MYL6B: variants seen among roughly 807,000 people sequenced by gnomAD.
The protein encoded by MYL6B is myosin light chain 6B.
Under a neutral mutation model 24.5 loss-of-function variants are expected in MYL6B, and 19 were observed. The ratio of observed to expected loss-of-function variants is 0.78; its 90% CI spans 0.54 to 1.14. The LOEUF is 1.14. Ranked by LOEUF, MYL6B falls within the 50% of genes most tolerant of loss-of-function variation. MYL6B has a pLI of 0.00. For synonymous variants in MYL6B, 90 were observed against 100.7 expected, an observed-to-expected ratio of 0.89 and a Z score of 0.64; for missense variants, 230 against 263.8, an observed-to-expected ratio of 0.87 and a Z score of 0.89.
In MYL6B at chr12:56,156,726, C is replaced by T. The variant is rs184388228; in HGVS notation, c.521-742C>T. 6.0e-5 allele frequency among the ~76,000 whole-genome samples: 9 copies of T among 150,702 alleles called. 2 individuals are homozygous for T. Among genetic ancestry groups the T allele is most frequent in the African/African-American group, 1.5e-4 (6 of 40,790 alleles). ...AGGAGTTCGAGACCAGCCTGGGCAA[C>T]GTAGTGAGATTCTATCTCTATTTAA... On this transcript the variant is annotated intron_variant, in intron 5 of 6. Transcript: ENST00000553066.
chr12:56,153,395 C>T, intron 1 of MYL6B: 1 of 985,094 alleles, frequency 1.0e-6, no homozygotes, highest in Non-Finnish European at 1.2e-6. Flanking sequence ...CTGCTCTTTA[C>T]AAAGCCATGG....
intron 5 of MYL6B, among the ~76,000 whole-genome samples, chr12:56,156,409 A>G (rs1202226798): frequency 6.6e-6 from 1 of 151,708 alleles, no homozygotes; most frequent in Admixed American, 6.6e-5. Context: ...GTTCAAGACC[A>G]GCCTGGCCAA....
intron 5 of MYL6B, 162 bp from the exon 6 acceptor site, chr12:56,157,306 C>G (rs942731484): frequency 3.2e-6 from 2 of 628,552 alleles, no homozygotes; most frequent in African/African-American, 3.7e-5. Flanking sequence ...ATCGCGTGAA[C>G]ACGGGAGGCG....
At chr12:56,157,325 A>G in intron 5 of MYL6B, 143 bp from the exon 6 acceptor site, 1 of 700,284 alleles carries the variant, frequency 1.4e-6, no homozygotes, top group Non-Finnish European at 2.4e-6. Flanking sequence ...CGGAGGTTGC[A>G]GTGAGCCGAG....
rs769447550 is a variant in MYL6B, at chr12:56,155,421, C to T, written c.349C>T (p.Leu117=). Residue 117 remains leucine, a splice_region_variant and synonymous_variant, in exon 5 of 7, where the codon CTG becomes TTG. Transcript: ENST00000553066. The stretch of plus-strand genomic sequence containing the variant: ...CTTTACCTCTCTCCAACCTCCAGAG[C>T]TGAAGTCGCGGCGTGTGGACTTTGA... 3.7e-6 allele frequency: 6 copies of T among 1,614,078 alleles called. No homozygotes were observed. The East Asian group carries it at 1.1e-4, about 30-fold the overall frequency.
rs1434673185 is a variant in MYL6B at position 56,153,904 on chromosome 12, T to C, written c.-15T>C. Reference sequence around the variant, plus strand: ...GTGCCCCCATCCGCACACTGTCCTTTGGCCACCGGACATCATGCCTCCCAA... The same window carrying C: ...GTGCCCCCATCCGCACACTGTCCTTCGGCCACCGGACATCATGCCTCCCAA... On this transcript the variant is annotated 5_prime_UTR_variant, in exon 2 of 7. Transcript: ENST00000553066. 2.5e-6 allele frequency: 4 copies of C among 1,604,492 alleles called. No homozygotes were observed. In the East Asian group the frequency reaches 8.9e-5, roughly 36 times the overall value.
exon 4 of MYL6B, chr12:56,155,164 G>A: frequency 6.2e-7 from 1 of 1,613,484 alleles, no homozygotes; most frequent in Admixed American, 1.7e-5. Context: ...CCAACGCCGA[G>A]GTGCTCAAGG....
intron 5 of MYL6B, chr12:56,155,861 G>A (rs998315638): frequency 7.4e-7 from 1 of 1,345,360 alleles, no homozygotes; most frequent in Non-Finnish European, 9.6e-7. Flanking sequence ...TGTGTGTTCT[G>A]GTACAAGTCT....
At chr12:56,153,543 T>A in intron 1 of MYL6B, 1 of 926,634 alleles carries the variant, frequency 1.1e-6, no homozygotes, top group Non-Finnish European at 1.3e-6. Context: ...AGACTAAAGC[T>A]GCTGGATCAC....
chr12:56,156,107 A>T (rs1311729613), intron 5 of MYL6B: 4 of 839,550 alleles, frequency 4.8e-6, no homozygotes, highest in Non-Finnish European at 5.9e-6. Flanking sequence ...GGAGTTCGAG[A>T]CCGGCCTGGC....
intron 1 of MYL6B, chr12:56,153,610 C>A: frequency 2.5e-6 from 1 of 404,644 alleles, no homozygotes; most frequent in Non-Finnish European, 3.5e-6. Flanking sequence ...TATCCTCACC[C>A]TGGAGGTTAA....
intron 2 of MYL6B, 146 bp downstream of exon 2, chr12:56,154,238 G>A: frequency 2.5e-6 from 2 of 814,310 alleles, no homozygotes; most frequent in East Asian, 2.7e-5. Context: ...CCATTTGGAA[G>A]CATCCAGTCT....
At chr12:56,154,925 AC>A in intron 3 of MYL6B, 85 bp downstream of exon 3, 19 of 1,571,592 alleles carry the variant, frequency 1.2e-5, no homozygotes, top group Non-Finnish European at 1.6e-5. Context: ...CCCAGTCCTG[AC>A]CTTGAAACCT....
At chr12:56,154,298 T>C (rs1431525565) in intron 2 of MYL6B, among the ~76,000 whole-genome samples, 1 of 151,804 alleles carries the variant, frequency 6.6e-6, no homozygotes, top group Non-Finnish European at 1.5e-5. Context: ...CCTATAATCA[T>C]GTGTGTACAG....
chr12:56,155,997 G>A, intron 5 of MYL6B: 4 of 1,163,616 alleles, frequency 3.4e-6, no homozygotes, highest in Non-Finnish European at 4.3e-6. Flanking sequence ...GGGAGAAGAA[G>A]AGGTACCACT....
At chr12:56,157,831 C>G in exon 7 of MYL6B, 1 of 1,392,450 alleles carries the variant, frequency 7.2e-7, no homozygotes, top group Non-Finnish European at 9.9e-7. Flanking sequence ...ATTCTGCTGT[C>G]CGGTTGCTGC....
At chr12:56,156,048 G>A (rs1001775884) in intron 5 of MYL6B, 1 of 1,093,086 alleles carries the variant, frequency 9.1e-7, no homozygotes, top group Non-Finnish European at 1.1e-6. Context: ...GCTCACGCCT[G>A]TAATCCCAGC....
exon 7 of MYL6B, chr12:56,157,821 A>C: frequency 6.8e-7 from 1 of 1,477,836 alleles, no homozygotes; most frequent in Non-Finnish European, 9.2e-7. Flanking sequence ...AGCGGAGTTC[A>C]TTCTGCTGTC....
intron 5 of MYL6B, among the ~76,000 whole-genome samples, chr12:56,156,399 G>A (rs537764823): frequency 6.6e-6 from 1 of 152,040 alleles, no homozygotes; most frequent in East Asian, 1.9e-4. Flanking sequence ...GAGATCAGGA[G>A]TTCAAGACCA....
Sources: allele counts gnomAD v4.1 joint callset (sites outside exome capture counted in the v4.1 genomes callset), GRCh38; gene constraint gnomAD v4.1.1; transcripts MANE v1.5; gene names NCBI Gene and HGNC (gene_info 2026-07-23, HGNC 2026-07-21).